Variants in SGCZ observed in about 807,000 individuals in gnomAD.
SGCZ encodes the protein zeta-sarcoglycan.
A neutral mutation model predicts 41.3 loss-of-function variants in SGCZ; 40 were observed. The observed-to-expected ratio is 0.97, with a 90% CI of 0.75 to 1.26. SGCZ has a LOEUF of 1.26. SGCZ is among the 50% of genes most tolerant of loss of function. SGCZ has a pLI of 0.00. For synonymous variants in SGCZ, 206 were observed against 137.5 expected (o/e 1.50, Z -3.49); for missense variants, 552 against 369.8 (o/e 1.49, Z -4.04).
chr8:14,597,160 A>T (rs1270941689), intron 1 of SGCZ, among the ~76,000 whole-genome samples: 12 of 152,176 alleles, frequency 7.9e-5, no homozygotes, highest in Admixed American at 7.9e-4. Context: ...TTTTAAATCA[A>T]AAAAGCTGCA....
chr8:14,784,092 C>T (rs1043560892), intron 1 of SGCZ, among the ~76,000 whole-genome samples: 1 of 149,892 alleles, frequency 6.7e-6, no homozygotes, highest in Admixed American at 6.7e-5. Flanking sequence ...TCTCTGGCTT[C>T]CAGGCCAGAG....
chr8:14,498,762 T>C (rs1802064494), intron 2 of SGCZ, among the ~76,000 whole-genome samples: 1 of 152,106 alleles, frequency 6.6e-6, no homozygotes, highest in Admixed American at 6.5e-5. Flanking sequence ...TATTAATCCC[T>C]GTGGCTAAAA....
At chr8:14,774,752 G>A (rs1800348603) in intron 1 of SGCZ, among the ~76,000 whole-genome samples, 1 of 152,172 alleles carries the variant, frequency 6.6e-6, no homozygotes, top group South Asian at 2.1e-4. Context: ...TTAGCACGAA[G>A]GCAATATATT....
At chr8:14,322,710 G>A (rs1322096620) in intron 3 of SGCZ, among the ~76,000 whole-genome samples, 1 of 152,090 alleles carries the variant, frequency 6.6e-6, no homozygotes, top group South Asian at 2.1e-4. Flanking sequence ...TTTCAGAGAA[G>A]TTTTGGCCTA....
chr8:15,174,610 T>C (rs268386), intron 1 of SGCZ, among the ~76,000 whole-genome samples: 70,308 of 151,986 alleles, frequency 0.46, 17,085 homozygotes, highest in Non-Finnish European at 0.53. Context: ...CAAGATGGTA[T>C]CAAATTATTT....
At chr8:14,537,654 A>G (rs548213427) in intron 2 of SGCZ, among the ~76,000 whole-genome samples, 3 of 151,290 alleles carry the variant, frequency 2.0e-5, no homozygotes, top group South Asian at 4.2e-4. Flanking sequence ...ACTGTTCTCT[A>G]TCTCTCACCA....
chr8:14,787,961 T>A (rs1800825042), intron 1 of SGCZ, among the ~76,000 whole-genome samples: 1 of 152,142 alleles, frequency 6.6e-6, no homozygotes, highest in Non-Finnish European at 1.5e-5. Flanking sequence ...TGCCATTTAG[T>A]TAAAATATAT....
At chr8:14,121,517 C>T (rs1387170253) in intron 5 of SGCZ, among the ~76,000 whole-genome samples, 1 of 152,090 alleles carries the variant, frequency 6.6e-6, no homozygotes, top group South Asian at 2.1e-4. Context: ...ATGCTTCTTT[C>T]AAATTATACA....
intron 1 of SGCZ, among the ~76,000 whole-genome samples, chr8:15,187,565 G>A (rs1800384905): frequency 6.6e-6 from 1 of 151,928 alleles, no homozygotes; most frequent in South Asian, 2.1e-4. Flanking sequence ...ATTTATGACA[G>A]TGCTTCATAG....
intron 1 of SGCZ, among the ~76,000 whole-genome samples, chr8:15,121,925 G>A (rs1024074469): frequency 6.8e-5 from 10 of 147,464 alleles, no homozygotes; most frequent in Non-Finnish European, 1.5e-4. Flanking sequence ...AAATAGATAT[G>A]CAGACATTTT....
At chr8:14,291,781 A>G (rs13271892) in intron 3 of SGCZ, among the ~76,000 whole-genome samples, 114,452 of 151,740 alleles carry the variant, frequency 0.75, 43,624 homozygotes, top group Non-Finnish European at 0.81. Context: ...TTAGGATTTA[A>G]AGAAAACTTG....
intron 2 of SGCZ, among the ~76,000 whole-genome samples, chr8:14,413,228 A>G (rs115982440): frequency 0.016 from 2,396 of 152,082 alleles, 70 homozygotes; most frequent in African/African-American, 0.053. Context: ...TACTTCGACA[A>G]TCTCTTAGGT....
chr8:14,853,930 C>G (rs1803443476), intron 1 of SGCZ, among the ~76,000 whole-genome samples: 1 of 150,306 alleles, frequency 6.7e-6, no homozygotes, highest in South Asian at 2.1e-4. Context: ...ACACACCTTT[C>G]AAGGATCTTT....
At chr8:14,635,275 T>C (rs2117409586) in intron 1 of SGCZ, among the ~76,000 whole-genome samples, 1 of 152,068 alleles carries the variant, frequency 6.6e-6, no homozygotes, top group South Asian at 2.1e-4. Flanking sequence ...CAATCTGTTG[T>C]CTTTCTTATG....
intron 3 of SGCZ, among the ~76,000 whole-genome samples, chr8:14,255,405 C>G (rs1453240351): frequency 6.6e-6 from 1 of 152,054 alleles, no homozygotes; most frequent in Non-Finnish European, 1.5e-5. Context: ...CATTGTAAGC[C>G]TAACACAATA....
At chr8:14,498,108 G>A (rs1802044877) in intron 2 of SGCZ, among the ~76,000 whole-genome samples, 1 of 152,048 alleles carries the variant, frequency 6.6e-6, no homozygotes, top group Admixed American at 6.6e-5. Flanking sequence ...TTTTTCTAGT[G>A]AGTTTACTAT....
intron 1 of SGCZ, among the ~76,000 whole-genome samples, chr8:14,944,780 G>C (rs1325278848): frequency 2.0e-5 from 3 of 152,100 alleles, no homozygotes; most frequent in African/African-American, 7.2e-5. Flanking sequence ...GGTTTATTGA[G>C]ACTTGACCCC....
At chr8:14,289,972 C>A (rs1044169718) in intron 3 of SGCZ, among the ~76,000 whole-genome samples, 1 of 151,750 alleles carries the variant, frequency 6.6e-6, no homozygotes, top group Admixed American at 6.6e-5. Flanking sequence ...GAGTGGCGAA[C>A]CACCAGACAG....
chr8:14,753,645 T>A (rs1044445945), intron 1 of SGCZ, among the ~76,000 whole-genome samples: 1 of 152,214 alleles, frequency 6.6e-6, no homozygotes, highest in Non-Finnish European at 1.5e-5. Flanking sequence ...AATATCATAT[T>A]GAGTTGCAGT....
Sources: gnomAD v4.1 joint callset for allele counts (sites outside exome capture counted in the v4.1 genomes callset) on GRCh38, gnomAD v4.1.1 for gene constraint, MANE v1.5 for transcripts, NCBI Gene and HGNC (gene_info 2026-07-23, HGNC 2026-07-21) for gene names.